The following METAP1 variants were observed in gnomAD, a reference collection of about 807,000 sequenced individuals.
METAP1 encodes the protein methionyl aminopeptidase 1.
Under a neutral mutation model 53.8 loss-of-function variants are expected in METAP1, and 28 were observed. The observed-to-expected ratio is 0.52, with a 90% CI of 0.39 to 0.71. The LOEUF (loss-of-function observed/expected upper bound fraction) is 0.71. METAP1 is among the 30% of genes least tolerant of loss of function. The pLI, the probability that METAP1 is intolerant of heterozygous loss-of-function variation, is 0.00. For missense variants in METAP1, 389 were observed against 479.8 expected, an observed-to-expected ratio of 0.81 and a Z score of 1.77; for synonymous variants, 181 against 165.7, an observed-to-expected ratio of 1.09 and a Z score of -0.71.
intron 1 of METAP1, among the ~76,000 whole-genome samples, chr4:99,011,746 C>A (rs62323251): frequency 6.6e-6 from 1 of 152,010 alleles, no homozygotes; most frequent in Non-Finnish European, 1.5e-5. Flanking sequence ...TTCGAGACCA[C>A]CCTGACCAAC....
intron 9 of METAP1, among the ~76,000 whole-genome samples, chr4:99,055,170 C>T (rs558149505): frequency 1.6e-4 from 25 of 152,014 alleles, no homozygotes; most frequent in Non-Finnish European, 3.1e-4. Flanking sequence ...GCAGGCGGAT[C>T]ATTTGAGGTC....
chr4:99,010,378 C>G (rs1447832671), intron 1 of METAP1, among the ~76,000 whole-genome samples: 1 of 152,144 alleles, frequency 6.6e-6, no homozygotes, highest in Non-Finnish European at 1.5e-5. Flanking sequence ...CCCTTGAGCC[C>G]TAAAGAGTTT....
intron 9 of METAP1, among the ~76,000 whole-genome samples, chr4:99,052,836 G>A (rs1726812629): frequency 6.6e-6 from 1 of 152,206 alleles, no homozygotes; most frequent in South Asian, 2.1e-4. Flanking sequence ...TTTATCCACA[G>A]AACTTCTTTG....
At position 99,054,272 on chromosome 4, in the gene METAP1, C is replaced by T. The variant is rs532194761; in HGVS notation, c.932-3481C>T. ...TCTGGCAAATTTGCTGCAGTTTCTA[C>T]ATCAGCACTTGCCGCTTCACCGTGC... On this transcript the variant is annotated intron_variant, in intron 9 of 10. Transcript: ENST00000296411. 2.6e-5 allele frequency among the ~76,000 whole-genome samples: 4 copies of T among 152,312 alleles called. No individual in the cohort carries two copies. In the South Asian group the frequency reaches 8.3e-4, roughly 32 times the overall value.
At chr4:99,011,904 C>T (rs1723489963) in intron 1 of METAP1, among the ~76,000 whole-genome samples, 1 of 152,206 alleles carries the variant, frequency 6.6e-6, no homozygotes. Flanking sequence ...CGCTCCATTT[C>T]ACTCCAGCCT....
chr4:99,052,171 A>G (rs779847074), intron 9 of METAP1, among the ~76,000 whole-genome samples: 1 of 152,218 alleles, frequency 6.6e-6, no homozygotes, highest in African/African-American at 2.4e-5. Context: ...CCCTTGATTT[A>G]AAAATACTCT....
At chr4:99,048,708 C>T (rs771218101) in intron 8 of METAP1, 25 bp from the exon 9 acceptor site, 1 of 1,609,616 alleles carries the variant, frequency 6.2e-7, no homozygotes, top group Non-Finnish European at 8.5e-7. Context: ...ATTAGTTTAT[C>T]ATGAATTTTC....
At chr4:99,058,801 T>C (rs894745756) in intron 10 of METAP1, among the ~76,000 whole-genome samples, 1 of 152,256 alleles carries the variant, frequency 6.6e-6, no homozygotes, top group Non-Finnish European at 1.5e-5. Flanking sequence ...GAAGTCACTT[T>C]AGAGGCTGCC....
intron 8 of METAP1, among the ~76,000 whole-genome samples, chr4:99,046,937 A>AG (rs1553946562): frequency 2.6e-5 from 2 of 75,552 alleles, no homozygotes; most frequent in African/African-American, 1.5e-4. Flanking sequence ...CTGAAGAAAC[A>AG]AAAAAAAAAA....
At chr4:99,053,499 C>T (rs560252406) in intron 9 of METAP1, among the ~76,000 whole-genome samples, 1 of 152,186 alleles carries the variant, frequency 6.6e-6, no homozygotes, top group Non-Finnish European at 1.5e-5. Flanking sequence ...ACATTCCACC[C>T]GCCTCTGCCT....
rs201592630 is a variant in METAP1 at position 99,035,731 on chromosome 4, AAC to A, written c.340+273_340+274del. Among the ~76,000 whole-genome samples the A allele has an allele frequency of 7.7e-3, 1,174 of 152,232 alleles. 18 individuals carry two copies. The highest frequency in any genetic ancestry group is 0.033 in the Admixed American group (500 of 15,284). On this transcript the variant is annotated intron_variant, in intron 4 of 10. Transcript: ENST00000296411. ...ATAACAACTTCTAGACTTACTAAAA[AAC>A]AGTTTTTAATTTTAATATTCCCTCC...
In METAP1 at chr4:99,061,417, G is replaced by T; in HGVS notation, c.*100G>T. ...GAACCTTTTTTTAATCACTTGTTTTGTTTTGACTATAGATAAGAAAGGACT... is the reference window on the plus strand; with the variant it reads ...GAACCTTTTTTTAATCACTTGTTTTTTTTTGACTATAGATAAGAAAGGACT... On this transcript the variant is annotated 3_prime_UTR_variant, in exon 11 of 11. Coordinates refer to ENST00000296411, the MANE Select transcript of METAP1 (RefSeq NM_015143.3). 1 of 1,161,520 alleles carries T rather than the reference G, an allele frequency of 8.6e-7. No individual in the cohort carries two copies. Among genetic ancestry groups the T allele is most frequent in the Non-Finnish European group, 1.2e-6 (1 of 829,238 alleles). The allele number at this position is 1,161,520 out of a possible 1,614,324, so 72.0% of individuals were successfully genotyped here.
At chr4:99,006,504 G>A (rs1164867375) in intron 1 of METAP1, among the ~76,000 whole-genome samples, 1 of 151,932 alleles carries the variant, frequency 6.6e-6, no homozygotes, top group East Asian at 1.9e-4. Flanking sequence ...GAAATATTTT[G>A]GGAATAAGAC....
intron 1 of METAP1, among the ~76,000 whole-genome samples, chr4:99,004,478 C>A (rs1319765816): frequency 0.014 from 271 of 20,014 alleles, 2 homozygotes; most frequent in African/African-American, 0.055. Context: ...CACACACACA[C>A]ACACATACAC....
At chr4:99,022,974 G>T in intron 1 of METAP1, 2 of 1,480,378 alleles carry the variant, frequency 1.4e-6, no homozygotes, top group South Asian at 1.2e-5. Flanking sequence ...AGTGTGGTGG[G>T]ATATGGCCCA....
At chr4:99,045,055 G>T in intron 7 of METAP1, 124 bp from the exon 8 acceptor site, 1 of 940,408 alleles carries the variant, frequency 1.1e-6, no homozygotes, top group Non-Finnish European at 1.6e-6. Context: ...ATCCATTGGT[G>T]TCTAATTTGA....
At chr4:99,051,615 T>C (rs1273417613) in intron 9 of METAP1, among the ~76,000 whole-genome samples, 3 of 152,242 alleles carry the variant, frequency 2.0e-5, no homozygotes, top group African/African-American at 7.2e-5. Context: ...GATATCAAAC[T>C]CCTGGGCTCA....
At chr4:99,004,474 C>T (rs199903118) in intron 1 of METAP1, among the ~76,000 whole-genome samples, 2,475 of 20,294 alleles carry the variant, frequency 0.12, 19 homozygotes, top group Non-Finnish European at 0.18. Context: ...CACACACACA[C>T]ACACACACAT....
chr4:99,048,037 C>T (rs547723765), intron 8 of METAP1, among the ~76,000 whole-genome samples: 20 of 152,286 alleles, frequency 1.3e-4, no homozygotes, highest in African/African-American at 2.9e-4. Flanking sequence ...ACTTTTTGGA[C>T]GTTCCTTTTA....
Sources: gnomAD v4.1 joint callset for allele counts (sites outside exome capture counted in the v4.1 genomes callset) on GRCh38, gnomAD v4.1.1 for gene constraint, MANE v1.5 for transcripts, NCBI Gene and HGNC (gene_info 2026-07-23, HGNC 2026-07-21) for gene names.